The following ZRANB3 variants were observed in gnomAD, a reference collection of about 807,000 sequenced individuals.
ZRANB3 encodes the protein DNA annealing helicase and endonuclease ZRANB3.
ZRANB3 carries 125 observed loss-of-function variants against 133.8 expected under a neutral mutation model. The observed-to-expected ratio is 0.93, with a 90% CI of 0.81 to 1.08. The LOEUF is 1.08. Among genes scored for constraint, ZRANB3 ranks in the 50% least tolerant of loss-of-function variants. The pLI is 0.00. For synonymous variants in ZRANB3, 387 were observed against 432.7 expected, an observed-to-expected ratio of 0.89 and a Z score of 1.31; for missense variants, 1,229 against 1,275.5, an observed-to-expected ratio of 0.96 and a Z score of 0.56.
intron 3 of ZRANB3, among the ~76,000 whole-genome samples, chr2:135,390,295 A>G (rs1367487299): frequency 6.6e-6 from 1 of 152,184 alleles, no homozygotes; most frequent in East Asian, 1.9e-4. Context: ...AAAGAATATC[A>G]TAGTTCATGT....
intron 8 of ZRANB3, among the ~76,000 whole-genome samples, chr2:135,288,173 T>C (rs1681481001): frequency 1.3e-5 from 2 of 152,252 alleles, no homozygotes; most frequent in African/African-American, 4.8e-5. Flanking sequence ...ATGCCTTTTC[T>C]GCATCTATTG....
intron 8 of ZRANB3, among the ~76,000 whole-genome samples, chr2:135,306,257 C>G (rs1315718354): frequency 6.6e-5 from 10 of 151,736 alleles, no homozygotes; most frequent in African/African-American, 1.9e-4. Context: ...TTTCCCCATC[C>G]CTTTTTATTC....
chr2:135,332,322 T>C (rs1684186208), intron 6 of ZRANB3, among the ~76,000 whole-genome samples: 1 of 152,152 alleles, frequency 6.6e-6, no homozygotes, highest in Admixed American at 6.5e-5. Context: ...TCTAATTCTT[T>C]TAGAACATGA....
rs75981765 is a variant in ZRANB3 at position 135,241,887 on chromosome 2, G to C, written c.1540-10960C>G. ...GGAAGCAGGTTTGGAGTTCATAAGAGAGACAACTGAGGCCAGGCATGGTGG... is the reference window on the plus strand; with the variant it reads ...GGAAGCAGGTTTGGAGTTCATAAGACAGACAACTGAGGCCAGGCATGGTGG... On this transcript the variant is annotated intron_variant, in intron 12 of 20. Coordinates refer to ENST00000264159, the MANE Select transcript of ZRANB3 (RefSeq NM_032143.4). Among the ~76,000 whole-genome samples, 452 of 152,208 alleles carry C rather than the reference G, an allele frequency of 3.0e-3. 3 individuals are homozygous for C. The highest frequency in any genetic ancestry group is 0.01 in the African/African-American group (421 of 41,546).
chr2:135,347,287 C>T (rs1684980148), intron 5 of ZRANB3, among the ~76,000 whole-genome samples: 1 of 143,178 alleles, frequency 7.0e-6, no homozygotes, highest in Non-Finnish European at 1.5e-5. Flanking sequence ...AATTTGTTTT[C>T]AGTTCTCTTT....
chr2:135,255,897 G>A (rs1316961592), intron 12 of ZRANB3, among the ~76,000 whole-genome samples: 1 of 150,328 alleles, frequency 6.7e-6, no homozygotes, highest in Non-Finnish European at 1.5e-5. Flanking sequence ...GATATTTAAA[G>A]GTCAACTCAT....
intron 8 of ZRANB3, among the ~76,000 whole-genome samples, chr2:135,279,743 C>T (rs1480916685): frequency 6.6e-6 from 1 of 152,248 alleles, no homozygotes; most frequent in East Asian, 1.9e-4. Flanking sequence ...CTCCTTTCCA[C>T]TAGTGCTTCA....
In ZRANB3 at chr2:135,268,990, G is replaced by A. The variant is rs1474302740; in HGVS notation, c.1358C>T (p.Thr453Ile). 1.9e-6 allele frequency: 3 copies of A among 1,608,248 alleles called. No homozygotes were observed. Among genetic ancestry groups the A allele is most frequent in the East Asian group, 2.2e-5 (1 of 44,702 alleles). The change falls in exon 11 of 21, where the codon ACC (threonine) becomes ATC (isoleucine). Residue 453 changes from threonine (T) to isoleucine (I), a missense_variant. Physicochemically the swap from Thr to Ile is moderately conservative, Grantham distance 89. Transcript: ENST00000264159. ...GCGATTCAACATTCCCCACATAAGG[G>A]TGTCTAGGGTTCCATTTGCAATAAG... ...HYLIANGTLD[T>I]LMWGMLNRKA...
chr2:135,308,607 T>C (rs1001136554), intron 8 of ZRANB3, among the ~76,000 whole-genome samples: 1 of 152,192 alleles, frequency 6.6e-6, no homozygotes, highest in African/African-American at 2.4e-5. Flanking sequence ...TTTGTTCTTT[T>C]TTGTTTGTTT....
intron 8 of ZRANB3, among the ~76,000 whole-genome samples, chr2:135,288,831 CTTTG>C (rs952503156): frequency 1.3e-5 from 2 of 150,268 alleles, no homozygotes; most frequent in Non-Finnish European, 3.0e-5. Context: ...AGTCTATCAA[CTTTG>C]TTTATATTTT....
At chr2:135,379,304 T>C (rs1686579391) in intron 3 of ZRANB3, among the ~76,000 whole-genome samples, 1 of 152,138 alleles carries the variant, frequency 6.6e-6, no homozygotes. Flanking sequence ...CACACACTTT[T>C]AATGCTATCA....
intron 1 of ZRANB3, among the ~76,000 whole-genome samples, chr2:135,513,703 C>G (rs538473727): frequency 2.0e-5 from 3 of 152,264 alleles, no homozygotes; most frequent in South Asian, 4.1e-4. Flanking sequence ...TTTGAACATG[C>G]CTATGTCCTG....
intron 3 of ZRANB3, among the ~76,000 whole-genome samples, chr2:135,356,078 A>C (rs1386420536): frequency 1.3e-5 from 2 of 152,120 alleles, no homozygotes; most frequent in Admixed American, 6.6e-5. Flanking sequence ...CCACTCCTCA[A>C]AATTTCCTCA....
chr2:135,253,298 G>C (rs141492735), intron 12 of ZRANB3, among the ~76,000 whole-genome samples: 5 of 152,116 alleles, frequency 3.3e-5, no homozygotes, highest in African/African-American at 1.2e-4. Context: ...CATGCCTCCT[G>C]GGGGAACAGT....
intron 3 of ZRANB3, among the ~76,000 whole-genome samples, chr2:135,362,192 C>T (rs1277325007): frequency 3.4e-5 from 5 of 145,704 alleles, no homozygotes; most frequent in East Asian, 4.0e-4. Context: ...AGCAAGACTC[C>T]GTCTCAAAAA....
chr2:135,207,840 C>A lies in ZRANB3; in HGVS notation c.2607-4G>T. 6.3e-7 allele frequency: 1 copy of A among 1,586,138 alleles called. No homozygotes were observed. The highest frequency in any genetic ancestry group is 1.7e-5 in the Admixed American group (1 of 58,038). Reference sequence around the variant, plus strand: ...GGCTCCATCTTCAAGAAGTTTTCTACAATTGATAAAAACACTGAATAGGTA... The same window carrying A: ...GGCTCCATCTTCAAGAAGTTTTCTAAAATTGATAAAAACACTGAATAGGTA... On this transcript the variant is annotated splice_region_variant and splice_polypyrimidine_tract_variant and intron_variant, in intron 18 of 20. Transcript: ENST00000264159.
intron 12 of ZRANB3, among the ~76,000 whole-genome samples, chr2:135,245,785 G>C (rs1695761424): frequency 6.7e-6 from 1 of 148,726 alleles, no homozygotes; most frequent in Non-Finnish European, 1.5e-5. Context: ...AAATAGCCGG[G>C]CATGGTGGCA....
chr2:135,422,969 T>C (rs1688922054), intron 2 of ZRANB3, among the ~76,000 whole-genome samples: 1 of 152,306 alleles, frequency 6.6e-6, no homozygotes, highest in East Asian at 1.9e-4. Flanking sequence ...AATCAAGATA[T>C]CAACAGGGTT....
chr2:135,261,101 T>G (rs887472130), intron 12 of ZRANB3, among the ~76,000 whole-genome samples: 1 of 151,602 alleles, frequency 6.6e-6, no homozygotes, highest in Non-Finnish European at 1.5e-5. Flanking sequence ...AAGTTTTTGA[T>G]GTCAAATGGC....
Sources: allele counts gnomAD v4.1 joint callset (sites outside exome capture counted in the v4.1 genomes callset), GRCh38; gene constraint gnomAD v4.1.1; transcripts MANE v1.5; gene names NCBI Gene and HGNC (gene_info 2026-07-23, HGNC 2026-07-21).